The following RFX4 variants were observed in gnomAD, a reference collection of about 807,000 sequenced individuals.
RFX4 encodes the protein regulatory factor X4, also known as transcription factor RFX4.
A neutral mutation model predicts 95.0 loss-of-function variants in RFX4; 10 were observed. That is an observed-to-expected ratio of 0.11 (90% CI 0.06 to 0.18). The LOEUF is 0.18. Among genes scored for constraint, RFX4 ranks in the 10% least tolerant of loss-of-function variants. The probability of loss-of-function intolerance (pLI) is 1.00; values close to 1 mark genes in which losing one functional copy is unlikely to be tolerated. For synonymous variants in RFX4, 321 were observed against 340.7 expected (o/e 0.94, Z 0.64); for missense variants, 640 against 922.0 (o/e 0.69, Z 3.96).
At chr12:106,645,558 G>A (rs1264465387) in intron 3 of RFX4, among the ~76,000 whole-genome samples, 1 of 152,126 alleles carries the variant, frequency 6.6e-6, no homozygotes, top group African/African-American at 2.4e-5. Flanking sequence ...GACTTGGGTG[G>A]TTGACAAGCT....
chr12:106,720,920 C>G lies in RFX4; in HGVS notation c.1351+44C>G. The G allele has an allele frequency of 6.4e-7, 1 of 1,557,764 alleles. No homozygotes were observed. The highest frequency in any genetic ancestry group is 8.8e-7 in the Non-Finnish European group (1 of 1,130,370). ...TCCCCATCTCCAAGCACTTTTTCCT[C>G]TGGGCACGGAGCCCAGAGGAATCTA... is the stretch of plus-strand genomic sequence containing the variant. On this transcript the variant is annotated intron_variant, in intron 13 of 17. Transcript: ENST00000392842. The surrounding 1 kb of genome is among the most constrained non-coding windows in gnomAD (Gnocchi z 4.2).
intron 7 of RFX4, among the ~76,000 whole-genome samples, chr12:106,689,902 G>A (rs1330295514): frequency 6.6e-6 from 1 of 152,030 alleles, no homozygotes; most frequent in Non-Finnish European, 1.5e-5. Flanking sequence ...TTAAAATATT[G>A]TAGTTAAAGA....
intron 2 of RFX4, among the ~76,000 whole-genome samples, chr12:106,610,557 A>G (rs2039939979): frequency 1.3e-5 from 2 of 152,240 alleles, no homozygotes; most frequent in South Asian, 4.1e-4. Flanking sequence ...AAGTGAAGTC[A>G]TATGGTGTTT....
At chr12:106,585,499 C>A (rs1056179706) in intron 1 of RFX4, among the ~76,000 whole-genome samples, 3 of 152,190 alleles carry the variant, frequency 2.0e-5, no homozygotes, top group African/African-American at 7.2e-5. Flanking sequence ...CATTTCACTC[C>A]GACTTGCAAA....
At chr12:106,640,009 TC>T (rs1297349772) in intron 3 of RFX4, among the ~76,000 whole-genome samples, 1 of 152,170 alleles carries the variant, frequency 6.6e-6, no homozygotes, top group Non-Finnish European at 1.5e-5. Flanking sequence ...AGGCGATTAT[TC>T]CCCTAGCAGT....
chr12:106,649,799 G>A (rs1471174122), intron 3 of RFX4, among the ~76,000 whole-genome samples: 2 of 152,114 alleles, frequency 1.3e-5, no homozygotes, highest in African/African-American at 4.8e-5. Flanking sequence ...TGCATTTCTG[G>A]TAGTGGAGAA....
At chr12:106,680,636 T>C (rs1378445875) in intron 4 of RFX4, 1 of 152,204 alleles carries the variant, frequency 6.6e-6, no homozygotes, top group Non-Finnish European at 1.5e-5. Context: ...AACAGCTTCT[T>C]TTCTCATGAA....
intron 1 of RFX4, among the ~76,000 whole-genome samples, chr12:106,593,174 T>C (rs975256316): frequency 2.0e-5 from 3 of 152,206 alleles, no homozygotes; most frequent in African/African-American, 7.2e-5. Flanking sequence ...GAGGTGAAAA[T>C]GGACACGTTG....
intron 8 of RFX4, among the ~76,000 whole-genome samples, chr12:106,698,935 C>T (rs2041936227): frequency 6.6e-6 from 1 of 151,856 alleles, no homozygotes; most frequent in African/African-American, 2.4e-5. Context: ...TTTATTCCTC[C>T]CTTTTTGTGC....
At chr12:106,711,071 T>C (rs2042183713) in intron 9 of RFX4, among the ~76,000 whole-genome samples, 1 of 152,242 alleles carries the variant, frequency 6.6e-6, no homozygotes, top group Non-Finnish European at 1.5e-5. Flanking sequence ...AAGGGACTTC[T>C]TCAAAGCTTC....
intron 17 of RFX4, among the ~76,000 whole-genome samples, chr12:106,759,211 T>C (rs372404916): frequency 3.5e-4 from 53 of 152,146 alleles, no homozygotes; most frequent in African/African-American, 1.0e-3. Context: ...ATCTAAAGAA[T>C]GACAAAAGGG....
At chr12:106,642,079 C>T (rs920212763) in intron 3 of RFX4, among the ~76,000 whole-genome samples, 15 of 151,530 alleles carry the variant, frequency 9.9e-5, no homozygotes, top group Admixed American at 2.6e-4. Flanking sequence ...GGCGTGAGCT[C>T]GGTTCACTGT....
At chr12:106,698,215 C>A (rs1225969458) in intron 8 of RFX4, among the ~76,000 whole-genome samples, 1 of 151,956 alleles carries the variant, frequency 6.6e-6, no homozygotes, top group Non-Finnish European at 1.5e-5. Context: ...CTCAGGCGAT[C>A]CAACCGCCTC....
chr12:106,605,236 T>C (rs2039803334), intron 1 of RFX4, among the ~76,000 whole-genome samples: 1 of 152,226 alleles, frequency 6.6e-6, no homozygotes, highest in African/African-American at 2.4e-5. Flanking sequence ...AAATTCAGTA[T>C]ACATGTCATT....
intron 2 of RFX4, among the ~76,000 whole-genome samples, chr12:106,622,212 C>A (rs914002766): frequency 6.6e-6 from 1 of 152,026 alleles, no homozygotes; most frequent in African/African-American, 2.4e-5. Flanking sequence ...TTTCAAAACA[C>A]AAAGATTATA....
chr12:106,678,817 T>C (rs892499980), intron 4 of RFX4, among the ~76,000 whole-genome samples: 1 of 152,224 alleles, frequency 6.6e-6, no homozygotes, highest in Non-Finnish European at 1.5e-5. Context: ...ACATAGTTTT[T>C]GTTACCATCA....
chr12:106,657,870 T>G, intron 4 of RFX4, among the ~76,000 whole-genome samples: 1 of 152,276 alleles, frequency 6.6e-6, no homozygotes, highest in Non-Finnish European at 1.5e-5. Context: ...AATAGATATA[T>G]TTATACATTT....
intron 17 of RFX4, among the ~76,000 whole-genome samples, chr12:106,754,799 G>A (rs139356557): frequency 2.0e-5 from 3 of 152,164 alleles, no homozygotes; most frequent in African/African-American, 4.8e-5. Flanking sequence ...CAGGCTCTTC[G>A]CCACCATGCC....
At chr12:106,727,524 C>T in intron 13 of RFX4, among the ~76,000 whole-genome samples, 1 of 151,820 alleles carries the variant, frequency 6.6e-6, no homozygotes, top group Admixed American at 6.6e-5. Flanking sequence ...GAAAGGAAAA[C>T]ACAAAATTGT....
Sources: allele counts gnomAD v4.1 joint callset (sites outside exome capture counted in the v4.1 genomes callset), GRCh38; gene constraint gnomAD v4.1.1; non-coding constraint Gnocchi (gnomAD v3.1); transcripts MANE v1.5; gene names NCBI Gene and HGNC (gene_info 2026-07-23, HGNC 2026-07-21).